PCDH15: variants seen among roughly 807,000 people sequenced by gnomAD.
PCDH15 encodes protocadherin-15.
A neutral mutation model predicts 178.5 loss-of-function variants in PCDH15; 129 were observed. The ratio of observed to expected loss-of-function variants is 0.72; its 90% confidence interval spans 0.63 to 0.84. The LOEUF is 0.84. PCDH15 is among the 40% of genes least tolerant of loss of function. The pLI is 0.00. For missense variants in PCDH15, 2,230 were observed against 2,099.9 expected (o/e 1.06, Z -1.21); for synonymous variants, 800 against 732.0 (o/e 1.09, Z -1.50).
intron 2 of PCDH15, among the ~76,000 whole-genome samples, chr10:54,642,071 C>T (rs4935532): frequency 0.88 from 134,142 of 151,656 alleles, 61,015 homozygotes; most frequent in Non-Finnish European, 0.99. Context: ...AACCCCCCAA[C>T]GTGATGGTAT....
intron 3 of PCDH15, among the ~76,000 whole-genome samples, chr10:54,819,966 G>C (rs1207773338): frequency 2.4e-4 from 37 of 151,792 alleles, no homozygotes; most frequent in Non-Finnish European, 1.5e-5. Flanking sequence ...TATAACTAAA[G>C]CATTACTTGA....
At chr10:54,915,461 C>T (rs779351930) in intron 2 of PCDH15, among the ~76,000 whole-genome samples, 5 of 152,062 alleles carry the variant, frequency 3.3e-5, no homozygotes, top group Admixed American at 2.0e-4. Context: ...GAAGTGTTCT[C>T]CTGGGGATGA....
chr10:55,473,446 T>C, intron 2 of PCDH15, among the ~76,000 whole-genome samples: 1 of 152,138 alleles, frequency 6.6e-6, no homozygotes, highest in East Asian at 1.9e-4. Context: ...GTTGGAGTCA[T>C]GGAACACTGC....
intron 2 of PCDH15, among the ~76,000 whole-genome samples, chr10:55,618,512 C>T (rs1843523245): frequency 6.6e-6 from 1 of 151,990 alleles, no homozygotes; most frequent in Non-Finnish European, 1.5e-5. Flanking sequence ...ACACATCAAA[C>T]TACCAAGAAG....
At chr10:54,943,249 T>C (rs756091287) in intron 2 of PCDH15, among the ~76,000 whole-genome samples, 2 of 151,966 alleles carry the variant, frequency 1.3e-5, no homozygotes, top group Non-Finnish European at 2.9e-5. Flanking sequence ...CTCATATTCC[T>C]TGTCTCTTGG....
intron 3 of PCDH15, among the ~76,000 whole-genome samples, chr10:54,436,062 A>T: frequency 7.0e-6 from 1 of 143,674 alleles, no homozygotes. Flanking sequence ...AAAGAAAGAA[A>T]GAAAGAAAGA....
At chr10:54,028,964 C>G (rs1225058221) in intron 18 of PCDH15, among the ~76,000 whole-genome samples, 1 of 151,846 alleles carries the variant, frequency 6.6e-6, no homozygotes, top group East Asian at 1.9e-4. Flanking sequence ...ACTACAATAT[C>G]CCCCAGAAAG....
chr10:53,840,510 A>G lies in PCDH15; in HGVS notation c.3807-14T>C. 4 of 1,611,474 alleles carry G rather than the reference A, an allele frequency of 2.5e-6. No homozygotes were observed. Among genetic ancestry groups the G allele is most frequent in the Non-Finnish European group, 3.4e-6 (4 of 1,177,558 alleles). On this transcript the variant is annotated splice_polypyrimidine_tract_variant and intron_variant, in intron 28 of 37. Coordinates refer to ENST00000644397, the MANE Select transcript of PCDH15 (RefSeq NM_001384140.1). ...CGATCCAAGATCCTATAAATCAAAC[A>G]AAGTACAAACATGACAGTCCAATGG...
intron 2 of PCDH15, among the ~76,000 whole-genome samples, chr10:55,067,514 T>C (rs1037684771): frequency 7.9e-5 from 12 of 152,100 alleles, no homozygotes; most frequent in African/African-American, 2.9e-4. Context: ...ATATCTTTGT[T>C]ATTGTGAATA....
intron 3 of PCDH15, among the ~76,000 whole-genome samples, chr10:54,858,189 T>A: frequency 6.6e-6 from 1 of 152,184 alleles, no homozygotes; most frequent in African/African-American, 2.4e-5. Context: ...CTAGCTTGTT[T>A]CACTAAGAAT....
chr10:55,277,146 C>T (rs945589858), intron 1 of PCDH15, among the ~76,000 whole-genome samples: 2 of 152,014 alleles, frequency 1.3e-5, no homozygotes, highest in African/African-American at 2.4e-5. Flanking sequence ...TATACTATCA[C>T]GACCTATATT....
chr10:55,463,214 A>G (rs1284007403), intron 2 of PCDH15, among the ~76,000 whole-genome samples: 2 of 152,148 alleles, frequency 1.3e-5, no homozygotes, highest in African/African-American at 4.8e-5. Flanking sequence ...TTTCTAGAAC[A>G]ATATGAATAA....
chr10:54,877,666 A>G (rs1317407798), intron 3 of PCDH15, among the ~76,000 whole-genome samples: 1 of 152,158 alleles, frequency 6.6e-6, no homozygotes, highest in Admixed American at 6.6e-5. Flanking sequence ...TAAATATTTT[A>G]AAAATTCAAT....
intron 2 of PCDH15, among the ~76,000 whole-genome samples, chr10:55,572,395 G>A (rs530381035): frequency 1.3e-5 from 2 of 150,928 alleles, no homozygotes; most frequent in Non-Finnish European, 3.0e-5. Flanking sequence ...TAGAAAATAG[G>A]ACTTTATGCA....
intron 3 of PCDH15, among the ~76,000 whole-genome samples, chr10:54,893,223 A>T (rs527869384): frequency 6.6e-6 from 1 of 152,208 alleles, no homozygotes; most frequent in South Asian, 2.1e-4. Context: ...TTTTTAAAAA[A>T]TTCTAAAAAT....
intron 2 of PCDH15, among the ~76,000 whole-genome samples, chr10:55,534,019 G>A (rs2132066668): frequency 6.6e-6 from 1 of 152,146 alleles, no homozygotes; most frequent in Non-Finnish European, 1.5e-5. Flanking sequence ...TGAGGTAACT[G>A]GCTAGCCATA....
intron 1 of PCDH15, among the ~76,000 whole-genome samples, chr10:54,730,266 G>T (rs1943154934): frequency 6.6e-6 from 1 of 151,566 alleles, no homozygotes; most frequent in Admixed American, 6.6e-5. Flanking sequence ...GATGGAACTG[G>T]AGGCTATTAT....
chr10:54,679,210 AAC>A (rs2094853773), intron 1 of PCDH15, among the ~76,000 whole-genome samples: 2 of 151,366 alleles, frequency 1.3e-5, no homozygotes, highest in African/African-American at 2.4e-5. Context: ...AAAAAAAAAA[AAC>A]ATACAATTGA....
intron 2 of PCDH15, among the ~76,000 whole-genome samples, chr10:55,546,933 G>C (rs908153795): frequency 3.3e-5 from 5 of 152,010 alleles, no homozygotes; most frequent in South Asian, 4.1e-4. Context: ...AGGCAGGTCT[G>C]ATACCTGTGA....
Sources: allele counts gnomAD v4.1 joint callset (sites outside exome capture counted in the v4.1 genomes callset), GRCh38; gene constraint gnomAD v4.1.1; transcripts MANE v1.5; gene names NCBI Gene and HGNC (gene_info 2026-07-23, HGNC 2026-07-21).